TENM3: variants seen among roughly 807,000 people sequenced by gnomAD.
The protein encoded by TENM3 is teneurin transmembrane protein 3.
In TENM3, 63 loss-of-function variants were observed where a neutral mutation model predicts 255.1. The observed-to-expected ratio is 0.25, with a 90% CI of 0.20 to 0.30. The LOEUF (loss-of-function observed/expected upper bound fraction) is 0.30. Among genes scored for constraint, TENM3 ranks in the 10% least tolerant of loss-of-function variants. TENM3 has a pLI of 1.00. For synonymous variants in TENM3, 1,306 were observed against 1,322.3 expected, an observed-to-expected ratio of 0.99 and a Z score of 0.27; for missense variants, 2,929 against 3,461.1, an observed-to-expected ratio of 0.85 and a Z score of 3.86.
At chr4:181,811,218 A>G in the TENM3 span, among the ~76,000 whole-genome samples, 2 of 152,140 alleles carry the variant, frequency 1.3e-5, no homozygotes, top group Non-Finnish European at 2.9e-5. Context: ...CTATTTTTCT[A>G]CCCTAAGAAT....
chr4:181,645,672 A>C, the TENM3 span, among the ~76,000 whole-genome samples: 3 of 152,208 alleles, frequency 2.0e-5, no homozygotes, highest in African/African-American at 7.2e-5. Context: ...AAGTGATATG[A>C]AGGAACTACA....
chr4:181,847,425 A>G, the TENM3 span, among the ~76,000 whole-genome samples: 1 of 152,120 alleles, frequency 6.6e-6, no homozygotes, highest in Admixed American at 6.6e-5. Context: ...GTTCCCTTTC[A>G]ATCTGTCTGC....
the TENM3 span, among the ~76,000 whole-genome samples, chr4:181,554,100 A>T: frequency 6.6e-6 from 1 of 152,318 alleles, no homozygotes; most frequent in South Asian, 2.1e-4. Flanking sequence ...GAGGAAGAGG[A>T]TAAGTAGAAC....
the TENM3 span, among the ~76,000 whole-genome samples, chr4:182,037,059 T>C: frequency 6.6e-6 from 1 of 151,988 alleles, no homozygotes; most frequent in South Asian, 2.1e-4. Context: ...TGGAAAAAAA[T>C]AAAAATAATG....
intron 3 of TENM3, among the ~76,000 whole-genome samples, chr4:182,374,324 A>G (rs975023660): frequency 2.6e-5 from 4 of 152,158 alleles, no homozygotes; most frequent in Non-Finnish European, 4.4e-5. Context: ...CTTCGTTGAT[A>G]TCCCTTCTAT....
At chr4:181,622,315 G>A in the TENM3 span, among the ~76,000 whole-genome samples, 4 of 152,032 alleles carry the variant, frequency 2.6e-5, no homozygotes, top group Non-Finnish European at 5.9e-5. Context: ...CACAATACTG[G>A]CAATCAATTA....
the TENM3 span, among the ~76,000 whole-genome samples, chr4:181,523,539 A>G: frequency 1.6e-4 from 25 of 152,296 alleles, no homozygotes; most frequent in African/African-American, 6.0e-4. Flanking sequence ...TGTCAAGGCT[A>G]TCTCAGTGGC....
chr4:182,798,110 C>T (rs1023988831), intron 27 of TENM3, among the ~76,000 whole-genome samples: 20 of 152,120 alleles, frequency 1.3e-4, no homozygotes, highest in Non-Finnish European at 2.1e-4. Context: ...TGGGCTCAAG[C>T]GATCCTCCCA....
At chr4:182,179,198 C>G (rs1752696145) in intron 1 of TENM3, among the ~76,000 whole-genome samples, 1 of 152,140 alleles carries the variant, frequency 6.6e-6, no homozygotes, top group African/African-American at 2.4e-5. Context: ...CTTTCAAAAG[C>G]CAGGTGTCTG....
the TENM3 span, among the ~76,000 whole-genome samples, chr4:181,913,114 T>C: frequency 6.6e-6 from 1 of 151,684 alleles, no homozygotes; most frequent in African/African-American, 2.4e-5. Flanking sequence ...GAAAAGAAAA[T>C]AGACCGGGAT....
chr4:182,572,749 G>A (rs1744524646), intron 3 of TENM3, among the ~76,000 whole-genome samples: 1 of 152,202 alleles, frequency 6.6e-6, no homozygotes, highest in South Asian at 2.1e-4. Flanking sequence ...GTTGCTCACA[G>A]ATTTGATAAA....
intron 12 of TENM3, 33 bp from the exon 13 acceptor site, chr4:182,714,054 A>G (rs1280796720): frequency 1.9e-6 from 3 of 1,605,154 alleles, no homozygotes; most frequent in Non-Finnish European, 2.6e-6. Flanking sequence ...TCAATACTCA[A>G]ATCACTGGTG....
intron 16 of TENM3, among the ~76,000 whole-genome samples, chr4:182,734,836 A>G (rs962753538): frequency 7.2e-5 from 11 of 152,218 alleles, no homozygotes; most frequent in Non-Finnish European, 1.0e-4. Context: ...AACACATGAT[A>G]TTTTGAAATA....
chr4:181,951,164 T>A, the TENM3 span, among the ~76,000 whole-genome samples: 1 of 152,246 alleles, frequency 6.6e-6, no homozygotes, highest in Admixed American at 6.5e-5. Flanking sequence ...CCACATTGGA[T>A]GCTTAAAAAT....
At chr4:181,574,368 A>G in the TENM3 span, among the ~76,000 whole-genome samples, 2 of 151,498 alleles carry the variant, frequency 1.3e-5, no homozygotes, top group Non-Finnish European at 2.9e-5. Flanking sequence ...CGTCTCTACT[A>G]AAAATACAAA....
Position 182,792,608 on chromosome 4 carries a change from C to T in TENM3, c.5936C>T (p.Thr1979Ile), listed in dbSNP as rs1385022102. ...TYDETAGVLK[T>I]VNLQSDGFIC... is the part of the protein sequence containing the mutation. The stretch of plus-strand genomic sequence containing the variant: ...GATGAAACAGCAGGAGTCCTAAAGA[C>T]AGTAAACCTCCAGAGTGATGGTTTT... Residue 1979 changes from threonine to isoleucine, a missense_variant, in exon 26 of 28, where the codon ACA becomes ATA. Transcript: ENST00000511685. The surrounding 1 kb of genome is among the most constrained non-coding windows in gnomAD (Gnocchi z 6.3). The T allele has an allele frequency of 6.2e-7, 1 of 1,613,982 alleles. No individual in the cohort carries two copies. The highest frequency in any genetic ancestry group is 1.1e-5 in the South Asian group (1 of 91,080).
the TENM3 span, among the ~76,000 whole-genome samples, chr4:181,497,688 A>G: frequency 6.6e-6 from 1 of 152,096 alleles, no homozygotes; most frequent in Non-Finnish European, 1.5e-5. Context: ...TTCAGTACCT[A>G]TTGTCCTTTA....
chr4:181,986,514 A>G, the TENM3 span, among the ~76,000 whole-genome samples: 1 of 151,966 alleles, frequency 6.6e-6, no homozygotes, highest in Non-Finnish European at 1.5e-5. Context: ...CCTCATATCC[A>G]AGTCTGGTGG....
At chr4:182,759,884 T>G (rs902279486) in intron 22 of TENM3, among the ~76,000 whole-genome samples, 1 of 152,240 alleles carries the variant, frequency 6.6e-6, no homozygotes, top group Non-Finnish European at 1.5e-5. Flanking sequence ...TTACTTGTAA[T>G]TATTATGTCC....
Sources: gnomAD v4.1 joint callset for allele counts (sites outside exome capture counted in the v4.1 genomes callset) on GRCh38, gnomAD v4.1.1 for gene constraint, Gnocchi (gnomAD v3.1) non-coding constraint, MANE v1.5 for transcripts, NCBI Gene and HGNC (gene_info 2026-07-23, HGNC 2026-07-21) for gene names.